Variants in SOX5 observed in about 807,000 individuals in gnomAD.
SOX5 encodes SRY-box transcription factor 5.
A neutral mutation model predicts 92.0 loss-of-function variants in SOX5; 9 were observed. The observed-to-expected ratio is 0.10, with a 90% CI of 0.06 to 0.17. SOX5 has a LOEUF of 0.17. Ranked by LOEUF, SOX5 falls within the 10% of genes least tolerant of loss-of-function variation. SOX5 has a pLI of 1.00. For missense variants in SOX5, 642 were observed against 944.5 expected, an observed-to-expected ratio of 0.68 and a Z score of 4.20; for synonymous variants, 344 against 336.3, an observed-to-expected ratio of 1.02 and a Z score of -0.25.
intron 4 of SOX5, among the ~76,000 whole-genome samples, chr12:23,956,130 A>G (rs914510109): frequency 6.6e-6 from 1 of 152,184 alleles, no homozygotes; most frequent in African/African-American, 2.4e-5. Flanking sequence ...TCAGTTGACT[A>G]CATTTGTCTA....
intron 1 of SOX5, among the ~76,000 whole-genome samples, chr12:24,382,793 GCA>G (rs1168996909): frequency 7.3e-6 from 1 of 137,536 alleles, no homozygotes; most frequent in Admixed American, 7.4e-5. Context: ...TACAGTAAAA[GCA>G]AAAGAGAGGA....
intron 3 of SOX5, among the ~76,000 whole-genome samples, chr12:24,237,488 G>A (rs773405961): frequency 6.6e-6 from 1 of 152,026 alleles, no homozygotes; most frequent in East Asian, 1.9e-4. Context: ...AAAACCAGAA[G>A]TTAAAGTCTA....
chr12:23,837,867 A>C (rs1335023819), intron 3 of SOX5, among the ~76,000 whole-genome samples: 22 of 103,040 alleles, frequency 2.1e-4, no homozygotes, highest in East Asian at 9.0e-4. Context: ...AATATATAAG[A>C]TATATTTATA....
At chr12:24,355,928 T>C (rs191799806) in intron 2 of SOX5, among the ~76,000 whole-genome samples, 3 of 152,334 alleles carry the variant, frequency 2.0e-5, no homozygotes, top group Admixed American at 2.0e-4. Context: ...ATGTCTGATT[T>C]AGGCATTTCA....
intron 1 of SOX5, among the ~76,000 whole-genome samples, chr12:23,946,460 C>A (rs1302210199): frequency 6.6e-6 from 1 of 151,884 alleles, no homozygotes; most frequent in African/African-American, 2.4e-5. Flanking sequence ...GAGAAACTAT[C>A]AAAAATGGAC....
chr12:23,864,045 T>C (rs1024120773), intron 2 of SOX5, among the ~76,000 whole-genome samples: 5 of 152,038 alleles, frequency 3.3e-5, no homozygotes, highest in Admixed American at 2.6e-4. Context: ...TTTATTGGGA[T>C]CATTTTTACA....
At position 23,736,305 on chromosome 12, in the gene SOX5, C is replaced by CA. The variant is rs574400805; in HGVS notation, c.742-1554dup. ...TGAAACCCCATCTCTACTAAAAATA[C>CA]AAAAAAATTAGCCAGGCGTGGTGGC... On this transcript the variant is annotated intron_variant, in intron 5 of 14. Transcript: ENST00000451604. Among the ~76,000 whole-genome samples the CA allele has an allele frequency of 3.5e-3, 535 of 151,582 alleles. 2 individuals carry two copies. Among genetic ancestry groups the CA allele is most frequent in the Non-Finnish European group, 6.1e-3 (411 of 67,806 alleles).
intron 1 of SOX5, among the ~76,000 whole-genome samples, chr12:24,445,679 T>C (rs2057393353): frequency 6.6e-6 from 1 of 152,214 alleles, no homozygotes; most frequent in Admixed American, 6.5e-5. Context: ...CATAGAGAGC[T>C]GCTATCTTAA....
At chr12:24,413,050 C>T (rs554939014) in intron 1 of SOX5, among the ~76,000 whole-genome samples, 6 of 152,290 alleles carry the variant, frequency 3.9e-5, no homozygotes, top group East Asian at 3.9e-4. Flanking sequence ...CCATCGCGCC[C>T]GGCCTCAGTT....
chr12:23,986,824 T>G (rs1498867), intron 4 of SOX5, among the ~76,000 whole-genome samples: 112,611 of 152,022 alleles, frequency 0.74, 42,191 homozygotes, highest in East Asian at 0.86. Context: ...AGAGGTTTGT[T>G]TTATAGATTT....
At chr12:23,670,153 A>G (rs1260804993) in intron 6 of SOX5, among the ~76,000 whole-genome samples, 1 of 152,204 alleles carries the variant, frequency 6.6e-6, no homozygotes, top group African/African-American at 2.4e-5. Flanking sequence ...GGAGTAAACT[A>G]ATTGTGAAAA....
intron 4 of SOX5, among the ~76,000 whole-genome samples, chr12:23,743,332 TAG>T (rs2093866307): frequency 6.6e-6 from 1 of 152,030 alleles, no homozygotes; most frequent in African/African-American, 2.4e-5. Context: ...TTTTTTGAGA[TAG>T]AGTCTTGTTC....
At chr12:23,778,756 T>C (rs1340279317) in intron 3 of SOX5, among the ~76,000 whole-genome samples, 1 of 152,122 alleles carries the variant, frequency 6.6e-6, no homozygotes, top group Non-Finnish European at 1.5e-5. Flanking sequence ...TCTGGATACT[T>C]GAAGAGAAAA....
intron 1 of SOX5, among the ~76,000 whole-genome samples, chr12:24,421,774 T>G (rs892584432): frequency 6.6e-6 from 1 of 152,240 alleles, no homozygotes; most frequent in Non-Finnish European, 1.5e-5. Context: ...AATGGCACAC[T>G]TATTGTATTA....
At chr12:23,869,571 T>C (rs1213273607) in intron 2 of SOX5, among the ~76,000 whole-genome samples, 1 of 152,132 alleles carries the variant, frequency 6.6e-6, no homozygotes, top group African/African-American at 2.4e-5. Flanking sequence ...ACATGTGTAT[T>C]GGATGTGTGC....
At chr12:23,894,312 C>T (rs1022219269) in intron 2 of SOX5, among the ~76,000 whole-genome samples, 5 of 152,150 alleles carry the variant, frequency 3.3e-5, no homozygotes, top group Admixed American at 6.5e-5. Flanking sequence ...ACTGCAACCT[C>T]TGCCTCCTGG....
intron 1 of SOX5, among the ~76,000 whole-genome samples, chr12:23,932,491 C>A (rs937172514): frequency 6.6e-5 from 10 of 151,458 alleles, no homozygotes; most frequent in Non-Finnish European, 1.5e-4. Flanking sequence ...CTTGGATCTG[C>A]TAATATTATT....
chr12:24,410,487 A>G (rs1235980673), intron 1 of SOX5, among the ~76,000 whole-genome samples: 1 of 152,244 alleles, frequency 6.6e-6, no homozygotes. Context: ...TGCATAAGTT[A>G]TAAGACGTAG....
At chr12:24,388,744 C>A (rs112110577) in intron 1 of SOX5, among the ~76,000 whole-genome samples, 42 of 152,190 alleles carry the variant, frequency 2.8e-4, no homozygotes, top group African/African-American at 9.9e-4. Flanking sequence ...AACTCCATGC[C>A]CCATCAGCAG....
Sources: allele counts gnomAD v4.1 joint callset (sites outside exome capture counted in the v4.1 genomes callset), GRCh38; gene constraint gnomAD v4.1.1; transcripts MANE v1.5; gene names NCBI Gene and HGNC (gene_info 2026-07-23, HGNC 2026-07-21).